Variants in GLRA3 observed in about 807,000 individuals in gnomAD.
GLRA3 encodes the protein glycine receptor subunit alpha-3.
Under a neutral mutation model 60.4 loss-of-function variants are expected in GLRA3, and 44 were observed. The ratio of observed to expected loss-of-function variants is 0.73; its 90% CI spans 0.57 to 0.94. The LOEUF (loss-of-function observed/expected upper bound fraction) is 0.94, where lower values mean the gene tolerates loss of function less well. Ranked by LOEUF, GLRA3 falls within the 40% of genes least tolerant of loss-of-function variation. The pLI, the probability that GLRA3 is intolerant of heterozygous loss-of-function variation, is 0.00. For synonymous variants in GLRA3, 223 were observed against 192.9 expected (o/e 1.16, Z -1.29); for missense variants, 508 against 564.6 (o/e 0.90, Z 1.02).
chr4:174,782,470 A>C (rs4443254), intron 2 of GLRA3, among the ~76,000 whole-genome samples: 84,777 of 139,500 alleles, frequency 0.61, 25,988 homozygotes, highest in Non-Finnish European at 0.68. Flanking sequence ...CTGGCCAGGG[A>C]AATTAGGCAG....
intron 6 of GLRA3, among the ~76,000 whole-genome samples, chr4:174,681,723 T>C (rs4530610): frequency 0.2 from 30,151 of 151,978 alleles, 3,180 homozygotes; most frequent in East Asian, 0.39. Flanking sequence ...TAAGACACCG[T>C]TTGTGATAGG....
intron 2 of GLRA3, among the ~76,000 whole-genome samples, chr4:174,768,898 G>A (rs1172540233): frequency 2.0e-5 from 3 of 152,008 alleles, no homozygotes; most frequent in Non-Finnish European, 2.9e-5. Context: ...AAAATATTTT[G>A]TGCTAGGGGC....
intron 3 of GLRA3, among the ~76,000 whole-genome samples, chr4:174,749,744 G>C (rs956444229): frequency 3.9e-5 from 6 of 152,066 alleles, no homozygotes; most frequent in Admixed American, 3.9e-4. Flanking sequence ...TCTCCTGAAT[G>C]TGTATCTTAT....
At chr4:174,651,958 C>CTCTCGCAG (rs1733034571) in intron 9 of GLRA3, among the ~76,000 whole-genome samples, 1 of 152,006 alleles carries the variant, frequency 6.6e-6, no homozygotes, top group Admixed American at 6.6e-5. Flanking sequence ...GTCCTGTCTG[C>CTCTCGCAG]TCTCGCAGTA....
intron 3 of GLRA3, among the ~76,000 whole-genome samples, chr4:174,739,305 T>C (rs977615207): frequency 2.0e-5 from 3 of 152,140 alleles, no homozygotes; most frequent in Admixed American, 6.5e-5. Context: ...CACCCCTACA[T>C]TGTGGGGCAG....
chr4:174,705,713 C>G (rs931625648), intron 5 of GLRA3, among the ~76,000 whole-genome samples: 1 of 122,300 alleles, frequency 8.2e-6, no homozygotes, highest in Admixed American at 8.6e-5. Flanking sequence ...AAAATATGAC[C>G]AAATTATTGA....
At chr4:174,729,210 A>G (rs1736456748) in intron 3 of GLRA3, among the ~76,000 whole-genome samples, 1 of 152,236 alleles carries the variant, frequency 6.6e-6, no homozygotes, top group African/African-American at 2.4e-5. Context: ...ATGCTGTTAG[A>G]CACTTAGAGA....
chr4:174,658,986 T>G, intron 8 of GLRA3, 68 bp downstream of exon 8: 1 of 1,369,298 alleles, frequency 7.3e-7, no homozygotes, highest in South Asian at 1.2e-5. Context: ...TCATCTCTAT[T>G]AAATACAACA....
chr4:174,688,318 C>CAT (rs553159490), intron 5 of GLRA3, among the ~76,000 whole-genome samples: 20 of 34,936 alleles, frequency 5.7e-4, no homozygotes, highest in African/African-American at 8.5e-4. Context: ...TACCTGACAT[C>CAT]ATATATATAT....
At chr4:174,747,695 A>C (rs1209371913) in intron 3 of GLRA3, among the ~76,000 whole-genome samples, 1 of 152,120 alleles carries the variant, frequency 6.6e-6, no homozygotes, top group Non-Finnish European at 1.5e-5. Flanking sequence ...GGCAGGAAGA[A>C]ATAGGTCCTC....
At chr4:174,712,737 T>A (rs1308782204) in intron 5 of GLRA3, 2 of 152,134 alleles carry the variant, frequency 1.3e-5, no homozygotes, top group Non-Finnish European at 2.9e-5. Context: ...AAACTCTTTT[T>A]GCCTACTTTC....
In GLRA3 at chr4:174,692,269, G is replaced by T. The variant is rs1182734120; in HGVS notation, c.575-9330C>A. Reference sequence around the variant, plus strand: ...GCCGCCCCATCCGCGAGGGAGGTGGGGGGGTCAGCACCCCACCCGGCCAGC... The same window carrying T: ...GCCGCCCCATCCGCGAGGGAGGTGGTGGGGTCAGCACCCCACCCGGCCAGC... On this transcript the variant is annotated intron_variant, in intron 5 of 9. Transcript: ENST00000274093. 1.1e-3 allele frequency among the ~76,000 whole-genome samples: 162 copies of T among 142,092 alleles called. 3 individuals are homozygous for T. Among genetic ancestry groups the T allele is most frequent in the African/African-American group, 4.1e-3 (153 of 37,716 alleles). 93.2% of individuals were successfully genotyped at this position (142,092 alleles called of 152,430 possible).
At chr4:174,785,479 A>G (rs1445901206) in intron 2 of GLRA3, among the ~76,000 whole-genome samples, 1 of 152,148 alleles carries the variant, frequency 6.6e-6, no homozygotes, top group African/African-American at 2.4e-5. Flanking sequence ...CAAAAATGTT[A>G]TATTACTGTT....
At chr4:174,688,503 A>G (rs1391465498) in intron 5 of GLRA3, among the ~76,000 whole-genome samples, 3 of 151,200 alleles carry the variant, frequency 2.0e-5, no homozygotes, top group African/African-American at 7.3e-5. Context: ...ATTACCTAAA[A>G]TAGTATGTGG....
chr4:174,739,937 T>G (rs1736948758), intron 3 of GLRA3, among the ~76,000 whole-genome samples: 1 of 152,170 alleles, frequency 6.6e-6, no homozygotes, highest in Non-Finnish European at 1.5e-5. Context: ...GTACTTCCCA[T>G]CACCCTTTCC....
chr4:174,802,220 AAATTGGCCC>A (rs1739840529), intron 1 of GLRA3, among the ~76,000 whole-genome samples: 1 of 151,932 alleles, frequency 6.6e-6, no homozygotes, highest in Non-Finnish European at 1.5e-5. Context: ...AATAATATTG[AAATTGGCCC>A]AATTTTCCCA....
chr4:174,745,095 C>T (rs554459666), intron 3 of GLRA3, among the ~76,000 whole-genome samples: 1 of 152,108 alleles, frequency 6.6e-6, no homozygotes, highest in South Asian at 2.1e-4. Flanking sequence ...TTTGAAATAA[C>T]TCAGGGAAAA....
chr4:174,805,250 T>C (rs1739993371), intron 1 of GLRA3, among the ~76,000 whole-genome samples: 1 of 152,130 alleles, frequency 6.6e-6, no homozygotes. Context: ...TAAAATTTTT[T>C]CTCAAATTTT....
At chr4:174,696,164 G>A (rs941018488) in intron 5 of GLRA3, among the ~76,000 whole-genome samples, 15 of 151,516 alleles carry the variant, frequency 9.9e-5, no homozygotes, top group Non-Finnish European at 4.4e-5. Context: ...AAAAAATGAT[G>A]CTTTAAATTA....
Sources: allele counts gnomAD v4.1 joint callset (sites outside exome capture counted in the v4.1 genomes callset), GRCh38; gene constraint gnomAD v4.1.1; transcripts MANE v1.5; gene names NCBI Gene and HGNC (gene_info 2026-07-23, HGNC 2026-07-21).